Variants in SRCIN1 observed in about 807,000 individuals in gnomAD.
SRCIN1 encodes P130Cas-associated protein.
SRCIN1 carries 50 observed loss-of-function variants against 116.2 expected under a neutral mutation model. The ratio of observed to expected loss-of-function variants is 0.43; its 90% CI spans 0.34 to 0.54. SRCIN1 has a LOEUF of 0.54. SRCIN1 is among the 20% of genes least tolerant of loss of function. The pLI is 0.02. For synonymous variants in SRCIN1, 736 were observed against 750.0 expected (o/e 0.98, Z 0.30); for missense variants, 1,446 against 1,672.0 (o/e 0.86, Z 2.36).
Position 38,578,825 on chromosome 17 carries a change from G to T in SRCIN1, c.23-34C>A, listed in dbSNP as rs1025319235. ...GGTGAGAGGGGCACGGCTGGGTCAC[G>T]GCGCGCCCGGCCTGGGGCTGCCCAT... On this transcript the variant is annotated intron_variant, in intron 1 of 18. Transcript: ENST00000617146. 2.5e-5 allele frequency: 36 copies of T among 1,452,640 alleles called. No individual in the cohort carries two copies. The African/African-American group carries it at 4.3e-4, about 17-fold the overall frequency. The allele number at this position is 1,452,640 out of a possible 1,614,324, so 90.0% of individuals were successfully genotyped here.
upstream of SRCIN1, among the ~76,000 whole-genome samples, chr17:38,606,537 C>T (rs1036676972): frequency 1.3e-5 from 2 of 152,104 alleles, no homozygotes; most frequent in East Asian, 3.9e-4. The surrounding 1 kb of genome is among the most constrained non-coding windows in gnomAD (Gnocchi z 5.2). Flanking sequence ...CGCCGCCTCG[C>T]CCCCGCTCCG....
chr17:38,596,272 T>G (rs1908725783), intron 1 of SRCIN1, among the ~76,000 whole-genome samples: 1 of 152,018 alleles, frequency 6.6e-6, no homozygotes, highest in Admixed American at 6.5e-5. Context: ...GCCATGGGGT[T>G]GGGGGAGGTG....
rs1170821761 is a variant in SRCIN1 at position 38,560,037 on chromosome 17, G to C, written c.1837+17C>G. The C allele has an allele frequency of 2.6e-6, 4 of 1,539,628 alleles. No homozygotes were observed. Among genetic ancestry groups the C allele is most frequent in the Non-Finnish European group, 3.5e-6 (4 of 1,134,320 alleles). On this transcript the variant is annotated intron_variant, in intron 9 of 18. Coordinates refer to ENST00000617146, the MANE Select transcript of SRCIN1 (RefSeq NM_025248.3). ...GCTCGGAGAGAACAAGGATGGGGGA[G>C]GGGGAGGTTCACTCACGTGCTGAGG...
chr17:38,595,236 G>A (rs1325218347), intron 1 of SRCIN1, among the ~76,000 whole-genome samples: 3 of 152,112 alleles, frequency 2.0e-5, no homozygotes, highest in African/African-American at 7.2e-5. Flanking sequence ...CCCCGACCCC[G>A]AGATGGAGTC....
chr17:38,606,595 G>C (rs1909380636), upstream of SRCIN1, among the ~76,000 whole-genome samples: 1 of 152,146 alleles, frequency 6.6e-6, no homozygotes, highest in African/African-American at 2.4e-5. This position sits in a 1 kb window ranked among gnomAD's most constrained non-coding sequence, Gnocchi z 5.2. Context: ...AGGCAGGTCC[G>C]CGCCCCTCCG....
At chr17:38,560,895 TG>T (rs1906191769) in intron 7 of SRCIN1, among the ~76,000 whole-genome samples, 1 of 152,254 alleles carries the variant, frequency 6.6e-6, no homozygotes, top group African/African-American at 2.4e-5. Flanking sequence ...TTCTCTTCAC[TG>T]CTCAGCAGCG....
At chr17:38,546,347 T>A (rs1375926303) in intron 17 of SRCIN1, 1 of 152,278 alleles carries the variant, frequency 6.6e-6, no homozygotes, top group African/African-American at 2.4e-5. Context: ...GTAGTCTGAC[T>A]CCAAGGCCAG....
intron 18 of SRCIN1, chr17:38,542,866 C>A: frequency 3.0e-6 from 1 of 338,850 alleles, no homozygotes; most frequent in Admixed American, 3.8e-5. Flanking sequence ...GAGTCTAGAA[C>A]CTTCTCTAAC....
In SRCIN1 at chr17:38,560,039, G is replaced by A. The variant is rs771213383; in HGVS notation, c.1837+15C>T. 1.3e-6 allele frequency: 2 copies of A among 1,544,150 alleles called. No individual in the cohort carries two copies. Among genetic ancestry groups the A allele is most frequent in the South Asian group, 2.4e-5 (2 of 84,104 alleles). Reference sequence around the variant, plus strand: ...TCGGAGAGAACAAGGATGGGGGAGGGGGAGGTTCACTCACGTGCTGAGGGG... The same window carrying A: ...TCGGAGAGAACAAGGATGGGGGAGGAGGAGGTTCACTCACGTGCTGAGGGG... On this transcript the variant is annotated intron_variant, in intron 9 of 18. Transcript: ENST00000617146.
intron 18 of SRCIN1, among the ~76,000 whole-genome samples, chr17:38,538,320 G>A (rs971336943): frequency 1.3e-5 from 2 of 149,686 alleles, no homozygotes; most frequent in Non-Finnish European, 3.0e-5. Context: ...GGGAGGCTGA[G>A]GCAGGAGAAT....
chr17:38,586,744 G>A (rs73291220), intron 1 of SRCIN1, among the ~76,000 whole-genome samples: 3,405 of 152,356 alleles, frequency 0.022, 129 homozygotes, highest in African/African-American at 0.077. Context: ...GCAGGGCACT[G>A]CCAGTCACAG....
chr17:38,567,661 C>T (rs923747199), intron 3 of SRCIN1, among the ~76,000 whole-genome samples: 1 of 152,052 alleles, frequency 6.6e-6, no homozygotes, highest in Non-Finnish European at 1.5e-5. Context: ...AAGGCCAGAG[C>T]TCAGGAGGAG....
At chr17:38,553,236 G>A (rs1265367343) in intron 11 of SRCIN1, among the ~76,000 whole-genome samples, 1 of 152,226 alleles carries the variant, frequency 6.6e-6, no homozygotes, top group Non-Finnish European at 1.5e-5. Flanking sequence ...TAGCCTGAGT[G>A]ACAGAGGGAG....
At chr17:38,554,351 T>G (rs549063876) in intron 11 of SRCIN1, among the ~76,000 whole-genome samples, 1 of 152,218 alleles carries the variant, frequency 6.6e-6, no homozygotes. Flanking sequence ...CCTCATCTCA[T>G]CTGGCTTCTG....
chr17:38,537,536 A>T (rs1904463457), intron 18 of SRCIN1, among the ~76,000 whole-genome samples: 1 of 152,118 alleles, frequency 6.6e-6, no homozygotes, highest in South Asian at 2.1e-4. Context: ...TCATGCCTGT[A>T]ATCCCAGCAC....
rs1909229232 is a variant in SRCIN1, at chr17:38,604,355, C to A, written c.22+1329G>T. ...GAAAGGCTGCTGCCAGAAACCCCCA[C>A]CCCCAGCTCGGGGAGCCCACTTTCC... is the stretch of plus-strand genomic sequence containing the variant. On this transcript the variant is annotated intron_variant, in intron 1 of 18. Transcript: ENST00000617146. The surrounding 1 kb of genome is among the most constrained non-coding windows in gnomAD (Gnocchi z 4.3). 3.2e-6 allele frequency: 1 copy of A among 314,922 alleles called. No homozygotes were observed. Among genetic ancestry groups the A allele is most frequent in the Non-Finnish European group, 6.3e-6 (1 of 159,172 alleles). 19.5% of individuals were successfully genotyped at this position (314,922 alleles called of 1,614,324 possible). A position where few individuals can be genotyped will look rare whatever the true frequency, so the allele number is the denominator to read the frequency against.
chr17:38,560,207 G>A, intron 8 of SRCIN1, 110 bp from the exon 9 acceptor site: 2 of 1,382,290 alleles, frequency 1.4e-6, no homozygotes, highest in Non-Finnish European at 2.0e-6. Flanking sequence ...TCAGGATGGA[G>A]TCCCAGAGAA....
intron 1 of SRCIN1, 140 bp from the exon 2 acceptor site, chr17:38,578,931 G>A (rs1907616961): frequency 4.0e-6 from 4 of 1,003,686 alleles, no homozygotes; most frequent in South Asian, 1.8e-5. Context: ...GGCAGGGGCT[G>A]CCCAGCACCC....
At chr17:38,564,366 CT>C in intron 3 of SRCIN1, 53 bp from the exon 4 acceptor site, 5 of 1,437,570 alleles carry the variant, frequency 3.5e-6, no homozygotes, top group East Asian at 5.0e-5. Context: ...CCCCCCTCCC[CT>C]TTGCTTGTCA....
Sources: allele counts gnomAD v4.1 joint callset (sites outside exome capture counted in the v4.1 genomes callset), GRCh38; gene constraint gnomAD v4.1.1; non-coding constraint Gnocchi (gnomAD v3.1); transcripts MANE v1.5; gene names NCBI Gene and HGNC (gene_info 2026-07-23, HGNC 2026-07-21).